Variants in RFWD3 observed in about 807,000 individuals in gnomAD.
RFWD3 encodes ring finger and WD repeat domain 3, also known as E3 ubiquitin-protein ligase RFWD3.
In RFWD3, 65 loss-of-function variants were observed where a neutral mutation model predicts 87.7. That is an observed-to-expected ratio of 0.74 (90% CI 0.61 to 0.91). RFWD3 has a LOEUF of 0.91. Among genes scored for constraint, RFWD3 ranks in the 40% least tolerant of loss-of-function variants. The pLI, the probability that RFWD3 is intolerant of heterozygous loss-of-function variation, is 0.00. For missense variants in RFWD3, 1,078 were observed against 938.5 expected, an observed-to-expected ratio of 1.15 and a Z score of -1.94; for synonymous variants, 433 against 352.8, an observed-to-expected ratio of 1.23 and a Z score of -2.55.
intron 6 of RFWD3, among the ~76,000 whole-genome samples, chr16:74,640,559 G>A (rs984825934): frequency 3.3e-5 from 5 of 152,160 alleles, no homozygotes; most frequent in African/African-American, 4.8e-5. Context: ...TACTCAGGAT[G>A]CTGAGGTTGG....
intron 2 of RFWD3, among the ~76,000 whole-genome samples, chr16:74,660,148 C>T (rs929336530): frequency 2.0e-5 from 3 of 152,172 alleles, no homozygotes; most frequent in Admixed American, 1.3e-4. Context: ...AGGGCAGATC[C>T]AGGCTCCAAT....
Position 74,644,521 on chromosome 16 carries a change from T to C in RFWD3, c.987+20A>G. 4 of 1,614,170 alleles carry C rather than the reference T, an allele frequency of 2.5e-6. No individual in the cohort carries two copies. Among genetic ancestry groups the C allele is most frequent in the Non-Finnish European group, 3.4e-6 (4 of 1,179,992 alleles). On this transcript the variant is annotated intron_variant, in intron 5 of 12. Coordinates refer to ENST00000361070, the MANE Select transcript of RFWD3 (RefSeq NM_018124.4). ...CTGCCTGACTTAACATGTTAATGTG[T>C]CCTTACCTATGGTCCTTACCTGGGG...
At chr16:74,638,081 T>C (rs1959305328) in intron 6 of RFWD3, 111 bp from the exon 7 acceptor site, 8 of 651,422 alleles carry the variant, frequency 1.2e-5, no homozygotes, top group East Asian at 9.0e-5. Flanking sequence ...GCTGTAAATA[T>C]GTTATGATAG....
intron 1 of RFWD3, among the ~76,000 whole-genome samples, chr16:74,662,371 T>C (rs896538561): frequency 3.9e-5 from 6 of 152,170 alleles, no homozygotes; most frequent in Non-Finnish European, 8.8e-5. Context: ...GGGGTTCAAC[T>C]AATAGTTATT....
At chr16:74,645,609 T>TCC (rs981989559) in intron 4 of RFWD3, among the ~76,000 whole-genome samples, 3 of 152,136 alleles carry the variant, frequency 2.0e-5, no homozygotes, top group South Asian at 2.1e-4. Context: ...CGCCTTGGTC[T>TCC]CCCAAAGTGC....
chr16:74,648,837 A>G (rs76938680), intron 4 of RFWD3, among the ~76,000 whole-genome samples: 19,068 of 151,828 alleles, frequency 0.13, 1,441 homozygotes, highest in Admixed American at 0.24. Flanking sequence ...TACAATCTCA[A>G]TGGTTTGGGA....
chr16:74,623,884 C>A lies in RFWD3; in HGVS notation c.*44G>T, dbSNP rs750587176. ...CTTGGGGCTGCTAGGCGCTAGCAAA[C>A]AACATCTAACCAGCAGCATGCCTTC... On this transcript the variant is annotated 3_prime_UTR_variant, in exon 13 of 13. Coordinates refer to ENST00000361070, the MANE Select transcript of RFWD3 (RefSeq NM_018124.4). The A allele has an allele frequency of 1.2e-6, 2 of 1,605,380 alleles. No individual in the cohort carries two copies. The highest frequency in any genetic ancestry group is 2.2e-5 in the South Asian group (2 of 90,280).
At chr16:74,631,463 A>ACTCTCTCT (rs56056110) in intron 9 of RFWD3, among the ~76,000 whole-genome samples, 75,572 of 149,878 alleles carry the variant, frequency 0.5, 19,316 homozygotes, top group East Asian at 0.73. Context: ...ACAGAGTGAG[A>ACTCTCTCT]CTCTCTCTCT....
Position 74,636,585 on chromosome 16 carries a change from G to A in RFWD3, c.1195-8C>T. On this transcript the variant is annotated splice_polypyrimidine_tract_variant and splice_region_variant and intron_variant, in intron 7 of 12. Coordinates refer to ENST00000361070, the MANE Select transcript of RFWD3 (RefSeq NM_018124.4). ...CGTAAGTTTTTGCAAGTCCTAAAAT[G>A]AAAAAGATTTTATAAATACAAAGCT... 1.3e-6 allele frequency: 2 copies of A among 1,588,306 alleles called. No homozygotes were observed. The highest frequency in any genetic ancestry group is 1.7e-6 in the Non-Finnish European group (2 of 1,160,700).
Position 74,632,699 on chromosome 16 carries a change from T to G in RFWD3, c.1427-26A>C. On this transcript the variant is annotated intron_variant, in intron 8 of 12. Coordinates refer to ENST00000361070, the MANE Select transcript of RFWD3 (RefSeq NM_018124.4). ...CTGAAAAAGGCAAAATAGTATGAAA[T>G]AGATCACTGAAAGTGAACCTAGGGC... 4 of 1,611,096 alleles carry G rather than the reference T, an allele frequency of 2.5e-6. No homozygotes were observed. In the East Asian group the frequency reaches 8.9e-5, roughly 36 times the overall value.
chr16:74,629,940 C>CT (rs1168897802), intron 10 of RFWD3, among the ~76,000 whole-genome samples: 1 of 152,210 alleles, frequency 6.6e-6, no homozygotes, highest in East Asian at 1.9e-4. Context: ...CTTGGGCTCA[C>CT]TTTATAAACT....
chr16:74,625,934 C>T (rs187259014), intron 12 of RFWD3, among the ~76,000 whole-genome samples: 1,667 of 152,302 alleles, frequency 0.011, 24 homozygotes, highest in African/African-American at 0.038. Flanking sequence ...GCCTCTAATC[C>T]CAGCACTTTG....
chr16:74,639,003 T>A (rs7188581), intron 6 of RFWD3, among the ~76,000 whole-genome samples: 88,363 of 150,552 alleles, frequency 0.59, 27,125 homozygotes, highest in African/African-American at 0.77. Flanking sequence ...TTTATGTATC[T>A]AAACATAGAA....
chr16:74,636,244 G>A (rs1423073067), intron 8 of RFWD3, 102 bp downstream of exon 8: 8 of 1,016,990 alleles, frequency 7.9e-6, no homozygotes, highest in East Asian at 2.4e-5. Context: ...AATAGGGAAA[G>A]GTGATTTGGT....
Position 74,623,579 on chromosome 16 carries a change from C to T in RFWD3, c.*349G>A. ...ATATTCCCCAGAAAATGCTTGATGC[C>T]CACTCACATCCTAGATGATGAGAGG... On this transcript the variant is annotated 3_prime_UTR_variant, in exon 13 of 13. Coordinates refer to ENST00000361070, the MANE Select transcript of RFWD3 (RefSeq NM_018124.4). 5.3e-6 allele frequency: 1 copy of T among 187,790 alleles called. No individual in the cohort carries two copies. The highest frequency in any genetic ancestry group is 1.1e-5 in the Non-Finnish European group (1 of 91,600). The allele number at this position is 187,790 out of a possible 1,614,324, so 11.6% of individuals were successfully genotyped here.
rs1476168116 is a variant in RFWD3, at chr16:74,623,554, A to G, written c.*374T>C. The G allele has an allele frequency of 2.1e-5, 4 of 188,280 alleles. No individual in the cohort carries two copies. Among genetic ancestry groups the G allele is most frequent in the Non-Finnish European group, 4.4e-5 (4 of 91,580 alleles). 11.7% of individuals were successfully genotyped at this position (188,280 alleles called of 1,614,324 possible). On this transcript the variant is annotated 3_prime_UTR_variant, in exon 13 of 13. Transcript: ENST00000361070. ...GACAGGACAACTCAGATGGGATGTC[A>G]TATTCCCCAGAAAATGCTTGATGCC...
At chr16:74,634,263 C>T (rs1171095366) in intron 8 of RFWD3, among the ~76,000 whole-genome samples, 1 of 152,062 alleles carries the variant, frequency 6.6e-6, no homozygotes, top group East Asian at 1.9e-4. Context: ...ATTTCAAGTA[C>T]CCACATTACT....
intron 3 of RFWD3, among the ~76,000 whole-genome samples, chr16:74,650,280 C>T (rs950711292): frequency 2.0e-5 from 3 of 150,934 alleles, no homozygotes; most frequent in African/African-American, 7.3e-5. Context: ...TATTATTTAT[C>T]TTGTTCCTCC....
chr16:74,646,766 G>A (rs1010971840), intron 4 of RFWD3, among the ~76,000 whole-genome samples: 2 of 151,734 alleles, frequency 1.3e-5, no homozygotes, highest in African/African-American at 2.4e-5. Flanking sequence ...GGAATGCCAC[G>A]TAGCTATTAA....
Sources: allele counts gnomAD v4.1 joint callset (sites outside exome capture counted in the v4.1 genomes callset), GRCh38; gene constraint gnomAD v4.1.1; transcripts MANE v1.5; gene names NCBI Gene and HGNC (gene_info 2026-07-23, HGNC 2026-07-21).